The following LYRM7 variants were observed in gnomAD, a reference collection of about 807,000 sequenced individuals.
LYRM7 encodes the protein LYR motif containing 7.
A neutral mutation model predicts 15.8 loss-of-function variants in LYRM7; 9 were observed. The observed-to-expected ratio is 0.57, with a 90% CI of 0.34 to 0.99. The LOEUF (loss-of-function observed/expected upper bound fraction) is 0.99. Ranked by LOEUF, LYRM7 falls within the 50% of genes least tolerant of loss-of-function variation. LYRM7 has a pLI of 0.02. For missense variants in LYRM7, 115 were observed against 119.1 expected (o/e 0.97, Z 0.16); for synonymous variants, 39 against 39.4 (o/e 0.99, Z 0.04).
intron 4 of LYRM7, among the ~76,000 whole-genome samples, chr5:131,196,806 T>C (rs1755972210): frequency 1.3e-5 from 2 of 151,890 alleles, no homozygotes; most frequent in Non-Finnish European, 2.9e-5. Context: ...AGCTGGTGCC[T>C]GCCACCACGC....
chr5:131,177,701 T>C (rs1755623423), intron 1 of LYRM7, among the ~76,000 whole-genome samples: 1 of 152,230 alleles, frequency 6.6e-6, no homozygotes, highest in African/African-American at 2.4e-5. Context: ...AGTTTTATGT[T>C]GGGCACTTGG....
intron 1 of LYRM7, among the ~76,000 whole-genome samples, chr5:131,172,743 C>T (rs1435191514): frequency 6.6e-6 from 1 of 152,138 alleles, no homozygotes; most frequent in African/African-American, 2.4e-5. Flanking sequence ...AATTATAACC[C>T]TTAAAATTAA....
At chr5:131,198,568 A>G (rs969205626) in intron 4 of LYRM7, among the ~76,000 whole-genome samples, 3 of 147,708 alleles carry the variant, frequency 2.0e-5, no homozygotes, top group Admixed American at 2.0e-4. Context: ...AAAATTTGGA[A>G]TTTTTTTTTT....
At chr5:131,173,483 C>T (rs1433970318) in intron 1 of LYRM7, among the ~76,000 whole-genome samples, 1 of 152,206 alleles carries the variant, frequency 6.6e-6, no homozygotes, top group Non-Finnish European at 1.5e-5. Flanking sequence ...AGGTGGCTCA[C>T]GCCTGTAATC....
chr5:131,187,764 G>A (rs547445679), intron 4 of LYRM7, among the ~76,000 whole-genome samples: 2 of 152,050 alleles, frequency 1.3e-5, no homozygotes, highest in African/African-American at 2.4e-5. Flanking sequence ...GGTATTACAT[G>A]CATGAGCCAT....
At position 131,181,381 on chromosome 5, in the gene LYRM7, A is replaced by AT. The variant is rs552588384; in HGVS notation, c.92-848_92-847insT. Among the ~76,000 whole-genome samples the AT allele has an allele frequency of 3.6e-3, 274 of 76,474 alleles. 5 individuals are homozygous for AT. The highest frequency in any genetic ancestry group is 0.01 in the East Asian group (36 of 3,554). 50.2% of individuals were successfully genotyped at this position (76,474 alleles called of 152,430 possible). On this transcript the variant is annotated intron_variant, in intron 2 of 4. Transcript: ENST00000379380. ...TATATTAACATATATATGTATATAT[A>AT]ATATATACATATATATTATATATAC...
chr5:131,173,415 A>G (rs1755552500), intron 1 of LYRM7, among the ~76,000 whole-genome samples: 1 of 152,228 alleles, frequency 6.6e-6, no homozygotes, highest in African/African-American at 2.4e-5. Flanking sequence ...ACTATAATGT[A>G]GTCTATTAAG....
Position 131,204,499 on chromosome 5 carries a change from C to G in LYRM7, c.*4898C>G, listed in dbSNP as rs2149669065. 7.2e-6 allele frequency: 1 copy of G among 138,138 alleles called. No homozygotes were observed. Among genetic ancestry groups the G allele is most frequent in the South Asian group, 2.1e-4 (1 of 4,702 alleles). The allele number at this position is 138,138 out of a possible 1,614,324, so 8.6% of individuals were successfully genotyped here. On this transcript the variant is annotated 3_prime_UTR_variant, in exon 5 of 5. Transcript: ENST00000379380. The stretch of plus-strand genomic sequence containing the variant: ...ACACACACACACACACACACACACA[C>G]ACACACACACACACAGTTTGGGTAT...
chr5:131,180,323 T>C (rs975007899), intron 2 of LYRM7, among the ~76,000 whole-genome samples, 156 bp downstream of exon 2: 2 of 152,188 alleles, frequency 1.3e-5, no homozygotes, highest in Non-Finnish European at 2.9e-5. Context: ...TTACACTTAT[T>C]TGAGAAATAT....
intron 4 of LYRM7, among the ~76,000 whole-genome samples, chr5:131,198,103 A>AGAATT (rs1324877346): frequency 6.6e-6 from 1 of 152,018 alleles, no homozygotes; most frequent in East Asian, 1.9e-4. Flanking sequence ...GAACATTTTT[A>AGAATT]GAATTATGAC....
chr5:131,198,043 C>G (rs1010328151), intron 4 of LYRM7, among the ~76,000 whole-genome samples: 2 of 151,026 alleles, frequency 1.3e-5, no homozygotes, highest in Admixed American at 6.6e-5. Context: ...TTTTTTTTTC[C>G]TGAACTTTCT....
Position 131,199,569 on chromosome 5 carries a change from C to T in LYRM7, c.283C>T (p.Pro95Ser). The T allele has an allele frequency of 6.2e-7, 1 of 1,603,122 alleles. No individual in the cohort carries two copies. Among genetic ancestry groups the T allele is most frequent in the Non-Finnish European group, 8.5e-7 (1 of 1,175,088 alleles). Reference protein sequence around the residue: ...PRKDLLVENVPYCDAPTQKQ With the variant: ...PRKDLLVENVSYCDAPTQKQ ...GAAAGACCTTCTTGTAGAAAATGTG[C>T]CATATTGTGATGCACCAACTCAGAA... is the stretch of plus-strand genomic sequence containing the variant. Residue 95 changes from proline (P) to serine (S), a missense_variant, in exon 5 of 5, where the codon CCA becomes TCA. Transcript: ENST00000379380.
chr5:131,179,010 A>G (rs1755642875), intron 1 of LYRM7, among the ~76,000 whole-genome samples: 1 of 151,778 alleles, frequency 6.6e-6, no homozygotes, highest in Non-Finnish European at 1.5e-5. Context: ...ATTTGTCTAA[A>G]TTGTTTAAAA....
chr5:131,181,382 A>T (rs1277838606), intron 2 of LYRM7, among the ~76,000 whole-genome samples: 13 of 65,858 alleles, frequency 2.0e-4, no homozygotes, highest in African/African-American at 1.3e-3. Flanking sequence ...TGTATATATA[A>T]TATATACATA....
At chr5:131,194,999 C>T (rs1014183264) in intron 4 of LYRM7, among the ~76,000 whole-genome samples, 1 of 152,180 alleles carries the variant, frequency 6.6e-6, no homozygotes. Flanking sequence ...ATCGCTGGCT[C>T]ACACCTGTTA....
rs1240474709 is a variant in LYRM7 at position 131,200,985 on chromosome 5, CAT to C, written c.*1385_*1386del. ...AGTAGCAGATGAGATTAATAATTCACATGTTTATTAAAGATAGTGGCTTAGAA... is the reference window on the plus strand; with the variant it reads ...AGTAGCAGATGAGATTAATAATTCACGTTTATTAAAGATAGTGGCTTAGAA... On this transcript the variant is annotated 3_prime_UTR_variant, in exon 5 of 5. Coordinates refer to ENST00000379380, the MANE Select transcript of LYRM7 (RefSeq NM_181705.4). The C allele has an allele frequency of 2.0e-5, 3 of 151,944 alleles. No homozygotes were observed. The highest frequency in any genetic ancestry group is 4.8e-5 in the African/African-American group (2 of 41,358). 9.4% of individuals were successfully genotyped at this position (151,944 alleles called of 1,614,324 possible).
chr5:131,170,989 C>T lies in LYRM7; in HGVS notation c.-32C>T. The T allele has an allele frequency of 6.5e-7, 1 of 1,537,972 alleles. No homozygotes were observed. The highest frequency in any genetic ancestry group is 1.2e-5 in the South Asian group (1 of 80,674). On this transcript the variant is annotated 5_prime_UTR_variant, in exon 1 of 5. Transcript: ENST00000379380. ...GCTGAGAGGCGGGGCTACTCGACTG[C>T]TCTGGAGGTAGCGGCCGCGGTGAGG...
intron 4 of LYRM7, among the ~76,000 whole-genome samples, chr5:131,196,601 G>C (rs1482798268): frequency 6.6e-6 from 1 of 151,926 alleles, no homozygotes; most frequent in African/African-American, 2.4e-5. Flanking sequence ...AACAGGAAGA[G>C]AGAAAGAGCC....
intron 4 of LYRM7, among the ~76,000 whole-genome samples, chr5:131,197,203 A>G (rs1024387979): frequency 1.1e-4 from 16 of 152,210 alleles, no homozygotes; most frequent in African/African-American, 3.4e-4. Context: ...TGAAGAGACT[A>G]TTATATATTC....
Sources: gnomAD v4.1 joint callset for allele counts (sites outside exome capture counted in the v4.1 genomes callset) on GRCh38, gnomAD v4.1.1 for gene constraint, MANE v1.5 for transcripts, NCBI Gene and HGNC (gene_info 2026-07-23, HGNC 2026-07-21) for gene names.